The following CCSER2 variants were observed in gnomAD, a reference collection of about 807,000 sequenced individuals.
CCSER2 encodes coiled-coil serine rich protein 2, also known as serine-rich coiled-coil domain-containing protein 2.
In CCSER2, 46 loss-of-function variants were observed where a neutral mutation model predicts 92.3. That is an observed-to-expected ratio of 0.50 (90% confidence interval 0.39 to 0.64). CCSER2 has a LOEUF of 0.64. Among genes scored for constraint, CCSER2 ranks in the 30% least tolerant of loss-of-function variants. The pLI is 0.00. For synonymous variants in CCSER2, 433 were observed against 431.4 expected (o/e 1.00, Z -0.04); for missense variants, 1,244 against 1,238.9 (o/e 1.00, Z -0.06).
chr10:84,359,354 G>A (rs1564596072), intron 1 of CCSER2, among the ~76,000 whole-genome samples: 1 of 152,216 alleles, frequency 6.6e-6, no homozygotes, highest in South Asian at 2.1e-4. Context: ...TTATGTGAGG[G>A]TCAGGTCAAG....
intron 6 of CCSER2, among the ~76,000 whole-genome samples, chr10:84,460,373 G>A (rs1846038609): frequency 6.6e-6 from 1 of 151,408 alleles, no homozygotes; most frequent in Non-Finnish European, 1.5e-5. Context: ...CCAAAGTGCT[G>A]GGATTACATG....
At chr10:84,499,427 A>C (rs536372646) in intron 9 of CCSER2, among the ~76,000 whole-genome samples, 36 of 151,962 alleles carry the variant, frequency 2.4e-4, no homozygotes, top group African/African-American at 7.5e-4. Context: ...AGCCCACTGC[A>C]CCCGGCCGAA....
At chr10:84,449,443 G>A (rs538120093) in intron 6 of CCSER2, among the ~76,000 whole-genome samples, 5 of 152,276 alleles carry the variant, frequency 3.3e-5, no homozygotes, top group Middle Eastern at 3.4e-3. Flanking sequence ...CTACTTGTAC[G>A]ATGTTGGAAA....
intron 6 of CCSER2, among the ~76,000 whole-genome samples, chr10:84,461,874 T>A (rs1412008223): frequency 6.6e-6 from 1 of 152,212 alleles, no homozygotes; most frequent in Non-Finnish European, 1.5e-5. Context: ...TATTAGATAT[T>A]TGAACGTTGT....
chr10:84,356,834 A>G (rs1845199319), intron 1 of CCSER2, among the ~76,000 whole-genome samples: 1 of 152,174 alleles, frequency 6.6e-6, no homozygotes, highest in South Asian at 2.1e-4. Flanking sequence ...TATACTGCCA[A>G]TTGTGTGATA....
intron 3 of CCSER2, among the ~76,000 whole-genome samples, chr10:84,380,037 G>A (rs996138244): frequency 6.6e-6 from 1 of 152,106 alleles, no homozygotes; most frequent in Non-Finnish European, 1.5e-5. Flanking sequence ...ATAAAACTAG[G>A]AATAGTGTAT....
At chr10:84,376,581 A>G (rs1170258501) in intron 3 of CCSER2, among the ~76,000 whole-genome samples, 2 of 152,158 alleles carry the variant, frequency 1.3e-5, no homozygotes, top group African/African-American at 4.8e-5. Context: ...AATATACTAC[A>G]ACTTATCTTA....
At chr10:84,486,004 T>G (rs1405778702) in intron 9 of CCSER2, among the ~76,000 whole-genome samples, 1 of 152,220 alleles carries the variant, frequency 6.6e-6, no homozygotes, top group Non-Finnish European at 1.5e-5. Context: ...TTTGTTTTTT[T>G]GTTCTTGCGA....
intron 1 of CCSER2, among the ~76,000 whole-genome samples, chr10:84,366,752 T>C (rs970491766): frequency 2.0e-5 from 3 of 152,164 alleles, no homozygotes; most frequent in Non-Finnish European, 2.9e-5. Flanking sequence ...ACAATGAGTT[T>C]TGGGTTTTAT....
intron 5 of CCSER2, among the ~76,000 whole-genome samples, chr10:84,435,736 A>G (rs1249519196): frequency 6.6e-6 from 1 of 152,156 alleles, no homozygotes; most frequent in Non-Finnish European, 1.5e-5. Flanking sequence ...TCATTCCTTC[A>G]TAGAGTTTGT....
chr10:84,340,501 G>C (rs1047161997), intron 1 of CCSER2, among the ~76,000 whole-genome samples: 2 of 152,150 alleles, frequency 1.3e-5, no homozygotes, highest in Admixed American at 1.3e-4. Context: ...CTTAAACACA[G>C]TCATATCCTA....
intron 3 of CCSER2, among the ~76,000 whole-genome samples, chr10:84,409,281 G>A (rs762626231): frequency 6.6e-5 from 10 of 151,590 alleles, no homozygotes; most frequent in South Asian, 4.2e-4. Context: ...ATGAGCCACC[G>A]CGCCTGGCCT....
At position 84,386,898 on chromosome 10, in the gene CCSER2, C is replaced by T. The variant is rs536979689; in HGVS notation, c.1614+13083C>T. 3.9e-5 allele frequency among the ~76,000 whole-genome samples: 6 copies of T among 152,114 alleles called. No homozygotes were observed. The South Asian group carries it at 1.2e-3, about 32-fold the overall frequency. Reference sequence around the variant, plus strand: ...GAGCTAAACAGTGGGTACACATGGACATAAACATGGAAATAATAGATACTG... The same window carrying T: ...GAGCTAAACAGTGGGTACACATGGATATAAACATGGAAATAATAGATACTG... On this transcript the variant is annotated intron_variant, in intron 3 of 9. Transcript: ENST00000372088.
intron 1 of CCSER2, among the ~76,000 whole-genome samples, chr10:84,350,651 G>A (rs1414452861): frequency 1.3e-5 from 2 of 152,148 alleles, no homozygotes; most frequent in East Asian, 3.8e-4. Context: ...AGTGTTTTAT[G>A]TAGTTTACTT....
chr10:84,338,302 A>C (rs894379913), intron 1 of CCSER2, among the ~76,000 whole-genome samples: 1 of 39,610 alleles, frequency 2.5e-5, no homozygotes, highest in South Asian at 7.9e-4. Flanking sequence ...AAAAAAAAAA[A>C]AAACAAAAAA....
chr10:84,493,861 T>C (rs963263364), intron 9 of CCSER2, among the ~76,000 whole-genome samples: 1 of 152,190 alleles, frequency 6.6e-6, no homozygotes, highest in African/African-American at 2.4e-5. Context: ...CTCACCATAA[T>C]GTGGAATCAG....
intron 3 of CCSER2, among the ~76,000 whole-genome samples, chr10:84,410,202 G>C (rs1175367089): frequency 2.6e-5 from 4 of 152,114 alleles, no homozygotes; most frequent in Non-Finnish European, 5.9e-5. Flanking sequence ...CTGCTACTGT[G>C]AATAGTGCTG....
intron 3 of CCSER2, among the ~76,000 whole-genome samples, chr10:84,381,247 T>C (rs937928248): frequency 1.3e-5 from 2 of 152,208 alleles, no homozygotes; most frequent in Non-Finnish European, 2.9e-5. Flanking sequence ...GTTATTTTGC[T>C]TTCTAATTGT....
intron 4 of CCSER2, among the ~76,000 whole-genome samples, chr10:84,419,034 CAA>C (rs1176637078): frequency 6.6e-5 from 10 of 151,694 alleles, no homozygotes; most frequent in Non-Finnish European, 1.2e-4. Flanking sequence ...TTTAGAATAA[CAA>C]AAAATATTTT....
Sources: gnomAD v4.1 joint callset for allele counts (sites outside exome capture counted in the v4.1 genomes callset) on GRCh38, gnomAD v4.1.1 for gene constraint, MANE v1.5 for transcripts, NCBI Gene and HGNC (gene_info 2026-07-23, HGNC 2026-07-21) for gene names.